Variants in INSR observed in about 807,000 individuals in gnomAD.
INSR encodes insulin receptor, also known as IR.
In INSR, 67 loss-of-function variants were observed where a neutral mutation model predicts 142.6. The ratio of observed to expected loss-of-function variants is 0.47; its 90% CI spans 0.39 to 0.58. The LOEUF (loss-of-function observed/expected upper bound fraction) is 0.58. Among genes scored for constraint, INSR ranks in the 20% least tolerant of loss-of-function variants. The pLI is 0.00. For missense variants in INSR, 1,248 were observed against 1,833.2 expected, an observed-to-expected ratio of 0.68 and a Z score of 5.83; for synonymous variants, 756 against 743.1, an observed-to-expected ratio of 1.02 and a Z score of -0.28.
At chr19:7,140,025 G>A (rs1030722171) in intron 13 of INSR, among the ~76,000 whole-genome samples, 14 of 152,084 alleles carry the variant, frequency 9.2e-5, no homozygotes, top group Admixed American at 7.2e-4. Flanking sequence ...ACGGAGTTTC[G>A]CCATGTTGGC....
chr19:7,190,846 A>C (rs1599972394), intron 2 of INSR, among the ~76,000 whole-genome samples: 1 of 152,176 alleles, frequency 6.6e-6, no homozygotes, highest in Non-Finnish European at 1.5e-5. Flanking sequence ...AAAATTGCCA[A>C]AAATGTAGAT....
chr19:7,163,427 G>A (rs1162934525), intron 8 of INSR, among the ~76,000 whole-genome samples: 1 of 151,994 alleles, frequency 6.6e-6, no homozygotes, highest in African/African-American at 2.4e-5. Flanking sequence ...AGGTGTGGTG[G>A]TGGGCGCCTG....
chr19:7,154,105 G>A (rs1001141270), intron 9 of INSR, among the ~76,000 whole-genome samples: 6 of 151,860 alleles, frequency 4.0e-5, no homozygotes, highest in African/African-American at 1.4e-4. Context: ...AGGTTGCAGT[G>A]AGCTGAGATG....
intron 3 of INSR, among the ~76,000 whole-genome samples, chr19:7,177,201 A>G (rs994755131): frequency 6.6e-6 from 1 of 152,144 alleles, no homozygotes; most frequent in Non-Finnish European, 1.5e-5. Context: ...ACCACCTTCT[A>G]TTCCTGTGGG....
chr19:7,217,772 G>T (rs914211796), intron 2 of INSR, among the ~76,000 whole-genome samples: 2 of 152,180 alleles, frequency 1.3e-5, no homozygotes, highest in Non-Finnish European at 2.9e-5. Flanking sequence ...TGTTAGCCAG[G>T]ATGGTCTCGA....
At chr19:7,153,538 CAG>C (rs1973507861) in intron 9 of INSR, among the ~76,000 whole-genome samples, 1 of 143,390 alleles carries the variant, frequency 7.0e-6, no homozygotes, top group Non-Finnish European at 1.5e-5. Flanking sequence ...TGAGCTGAGA[CAG>C]AGCCTAGATT....
Position 7,193,489 on chromosome 19 carries a change from C to T in INSR, c.653-8852G>A, listed in dbSNP as rs148417326. 4.1e-3 allele frequency among the ~76,000 whole-genome samples: 621 copies of T among 150,486 alleles called. 12 individuals are homozygous for T. The highest frequency in any genetic ancestry group is 0.014 in the African/African-American group (584 of 41,040). ...ATCACGCTACTGCACTCCAGCCTGG[C>T]GACAGAGTGAGACTCCATCTCATAA... On this transcript the variant is annotated intron_variant, in intron 2 of 21. Transcript: ENST00000302850.
In INSR at chr19:7,270,337, T is replaced by TCACA. The variant is rs1334553477; in HGVS notation, c.101-2442_101-2441insTGTG. Reference sequence around the variant, plus strand: ...TCATTTCTCTCTCTCTCTCTCTCTCTCTCACACACACACACACACACACAC... The same window carrying TCACA: ...TCATTTCTCTCTCTCTCTCTCTCTCTCACACTCACACACACACACACACACACAC... On this transcript the variant is annotated intron_variant, in intron 1 of 21. Coordinates refer to ENST00000302850, the MANE Select transcript of INSR (RefSeq NM_000208.4). Among the ~76,000 whole-genome samples, 954 of 95,588 alleles carry TCACA rather than the reference T, an allele frequency of 1.0e-2. 6 individuals are homozygous for TCACA. Among genetic ancestry groups the TCACA allele is most frequent in the Admixed American group, 0.015 (129 of 8,778 alleles). 62.7% of individuals were successfully genotyped at this position (95,588 alleles called of 152,430 possible). A position where few individuals can be genotyped will look rare whatever the true frequency, so the allele number is the denominator to read the frequency against.
chr19:7,158,399 GCT>G (rs1973664645), intron 9 of INSR, among the ~76,000 whole-genome samples: 1 of 152,156 alleles, frequency 6.6e-6, no homozygotes, highest in Admixed American at 6.6e-5. Context: ...TACTCGGGAG[GCT>G]GACGCAGGAG....
At chr19:7,177,416 G>A (rs955994371) in intron 3 of INSR, among the ~76,000 whole-genome samples, 1 of 152,140 alleles carries the variant, frequency 6.6e-6, no homozygotes, top group Non-Finnish European at 1.5e-5. Flanking sequence ...CAGGTACATC[G>A]CTTAAGCTTC....
chr19:7,151,204 CT>C (rs1178946447), intron 10 of INSR, among the ~76,000 whole-genome samples: 1 of 120,980 alleles, frequency 8.3e-6, no homozygotes, highest in African/African-American at 3.2e-5. Flanking sequence ...TTCTTTCTTT[CT>C]TTCTTTTTCT....
At chr19:7,178,612 G>A (rs548079931) in intron 3 of INSR, among the ~76,000 whole-genome samples, 4 of 152,192 alleles carry the variant, frequency 2.6e-5, no homozygotes, top group African/African-American at 7.2e-5. Context: ...CCAGCTACTC[G>A]GGGGGCTGAG....
At position 7,117,409 on chromosome 19, in the gene INSR, T is replaced by C. The variant is rs1972361799; in HGVS notation, c.3796A>G (p.Thr1266Ala). 1.2e-6 allele frequency: 2 copies of C among 1,611,706 alleles called. No homozygotes were observed. The highest frequency in any genetic ancestry group is 1.7e-6 in the Non-Finnish European group (2 of 1,178,100). ...DQPDNCPERV[T>A]DLMRMCWQFN... ...TGCCAGCACATGCGCATGAGGTCAG[T>C]GCTGCGGGGCAGAAGGACACGTCCT... The change falls in exon 22 of 22, where the codon ACT (threonine) becomes GCT (alanine). Residue 1266 changes from threonine to alanine, a missense_variant and splice_region_variant. Coordinates refer to ENST00000302850, the MANE Select transcript of INSR (RefSeq NM_000208.4).
chr19:7,234,165 TC>T (rs1976084789), intron 2 of INSR, among the ~76,000 whole-genome samples: 1 of 151,948 alleles, frequency 6.6e-6, no homozygotes, highest in African/African-American at 2.4e-5. Flanking sequence ...CACCTCAGGC[TC>T]CCAAAGGGCT....
chr19:7,187,329 A>C (rs570995555), intron 2 of INSR, among the ~76,000 whole-genome samples: 4 of 150,308 alleles, frequency 2.7e-5, no homozygotes, highest in Non-Finnish European at 5.9e-5. Flanking sequence ...TGATCCACTC[A>C]CCCTGGCCCC....
intron 2 of INSR, among the ~76,000 whole-genome samples, chr19:7,241,275 C>A (rs1471879591): frequency 6.6e-6 from 1 of 150,998 alleles, no homozygotes; most frequent in East Asian, 1.9e-4. Context: ...AACTCCTGGG[C>A]TCAAATGATC....
rs949672072 is a variant in INSR at position 7,216,499 on chromosome 19, G to A, written c.653-31862C>T. Among the ~76,000 whole-genome samples, 4 of 152,212 alleles carry A rather than the reference G, an allele frequency of 2.6e-5. No homozygotes were observed. Among genetic ancestry groups the A allele is most frequent in the Non-Finnish European group, 4.4e-5 (3 of 68,034 alleles). On this transcript the variant is annotated intron_variant, in intron 2 of 21. Coordinates refer to ENST00000302850, the MANE Select transcript of INSR (RefSeq NM_000208.4). The surrounding 1 kb of genome is among the most constrained non-coding windows in gnomAD (Gnocchi z 4.2). The stretch of plus-strand genomic sequence containing the variant: ...TAGTAGCAGGACAGACATCCAGAGG[G>A]TAACAGGGAACCACGGGGGATGTCC...
At position 7,125,669 on chromosome 19, in the gene INSR, G is replaced by T. The variant is rs896628663; in HGVS notation, c.3014-142C>A. The T allele has an allele frequency of 1.8e-6, 2 of 1,116,490 alleles. No homozygotes were observed. The highest frequency in any genetic ancestry group is 2.6e-6 in the Non-Finnish European group (2 of 762,092). The allele number at this position is 1,116,490 out of a possible 1,614,324, so 69.2% of individuals were successfully genotyped here. On this transcript the variant is annotated intron_variant, in intron 16 of 21. Coordinates refer to ENST00000302850, the MANE Select transcript of INSR (RefSeq NM_000208.4). The surrounding 1 kb of genome is among the most constrained non-coding windows in gnomAD (Gnocchi z 4.9). ...ATCCAGGACCCATGCCGGGCACTGG[G>T]CATATGGCCGAGAACAGGACAGGCA...
intron 2 of INSR, among the ~76,000 whole-genome samples, chr19:7,215,936 G>C (rs111464783): frequency 1.3e-5 from 2 of 151,798 alleles, no homozygotes; most frequent in Non-Finnish European, 2.9e-5. Context: ...GAACATATTC[G>C]AATCACAAAG....
Sources: allele counts gnomAD v4.1 joint callset (sites outside exome capture counted in the v4.1 genomes callset), GRCh38; gene constraint gnomAD v4.1.1; non-coding constraint Gnocchi (gnomAD v3.1); transcripts MANE v1.5; gene names NCBI Gene and HGNC (gene_info 2026-07-23, HGNC 2026-07-21).